The following ZNF483 variants were observed in gnomAD, a reference collection of about 807,000 sequenced individuals.
ZNF483 encodes the protein zinc finger protein HIT-10.
ZNF483 carries 9 observed loss-of-function variants against 28.6 expected under a neutral mutation model. The observed-to-expected ratio is 0.32, with a 90% CI of 0.19 to 0.55. The LOEUF (loss-of-function observed/expected upper bound fraction) is 0.55. Ranked by LOEUF, ZNF483 falls within the 20% of genes least tolerant of loss-of-function variation. The pLI is 0.93. For synonymous variants in ZNF483, 322 were observed against 306.2 expected, an observed-to-expected ratio of 1.05 and a Z score of -0.54; for missense variants, 675 against 871.7, an observed-to-expected ratio of 0.77 and a Z score of 2.84.
chr9:111,533,256 G>T (rs1827394939), intron 3 of ZNF483, among the ~76,000 whole-genome samples: 1 of 152,198 alleles, frequency 6.6e-6, no homozygotes, highest in African/African-American at 2.4e-5. Context: ...TAACACTAGA[G>T]ACTGAATGGA....
At chr9:111,558,571 A>C (rs1265079211), downstream of ZNF483, among the ~76,000 whole-genome samples, 1 of 152,230 alleles carries the variant, frequency 6.6e-6, no homozygotes, top group East Asian at 1.9e-4. Flanking sequence ...CCAGCCCCAG[A>C]ACAAACCATT....
chr9:111,572,514 G>A (rs566965599), intron 5 of ZNF483, among the ~76,000 whole-genome samples: 6 of 152,056 alleles, frequency 3.9e-5, no homozygotes, highest in South Asian at 2.1e-4. Flanking sequence ...CGCTTGAACC[G>A]GGGAGGCAGA....
chr9:111,574,943 G>A (rs74587071), intron 5 of ZNF483: 41,521 of 876,144 alleles, frequency 0.047, 1,502 homozygotes, highest in African/African-American at 0.14. Flanking sequence ...TGTTTTAGCA[G>A]CAACAAAACT....
Position 111,553,124 on chromosome 9 carries a change from G to A in ZNF483, c.*9954G>A, listed in dbSNP as rs1341055833. On this transcript the variant is annotated 3_prime_UTR_variant, in exon 6 of 6. Transcript: ENST00000309235. ...CTTTTTTGACTTACACTCACTAAATGGTTGCTAAAAATTACATGTCTTAAA... is the reference window on the plus strand; with the variant it reads ...CTTTTTTGACTTACACTCACTAAATAGTTGCTAAAAATTACATGTCTTAAA... Among the ~76,000 whole-genome samples the A allele has an allele frequency of 6.6e-6, 1 of 152,072 alleles. No homozygotes were observed. Among genetic ancestry groups the A allele is most frequent in the Non-Finnish European group, 1.5e-5 (1 of 68,008 alleles).
rs1342640226 is a variant in ZNF483, at chr9:111,552,731, C to T, written c.*9561C>T. On this transcript the variant is annotated 3_prime_UTR_variant, in exon 6 of 6. Transcript: ENST00000309235. ...GGGCAGTGTCTTGTATCAAACAGTT[C>T]ATCTAAGGCTAAAGAAAAATACTTG... 6.6e-6 allele frequency among the ~76,000 whole-genome samples: 1 copy of T among 152,094 alleles called. No individual in the cohort carries two copies. Among genetic ancestry groups the T allele is most frequent in the African/African-American group, 2.4e-5 (1 of 41,412 alleles).
In ZNF483 at chr9:111,550,167, G is replaced by A. The variant is rs1407206504; in HGVS notation, c.*6997G>A. 6.6e-6 allele frequency among the ~76,000 whole-genome samples: 1 copy of A among 152,106 alleles called. No homozygotes were observed. Among genetic ancestry groups the A allele is most frequent in the Non-Finnish European group, 1.5e-5 (1 of 68,032 alleles). ...CCTAAAGTTGTCTCAATTCTTTACA[G>A]AGCCTGCGTTTTTCCCTGGGCGGGA... is the stretch of plus-strand genomic sequence containing the variant. On this transcript the variant is annotated 3_prime_UTR_variant, in exon 6 of 6. Transcript: ENST00000309235.
downstream of ZNF483, among the ~76,000 whole-genome samples, chr9:111,555,759 C>T (rs1267360292): frequency 6.6e-6 from 1 of 152,200 alleles, no homozygotes; most frequent in Non-Finnish European, 1.5e-5. Flanking sequence ...AAATCTGCCA[C>T]CATGATCCCA....
chr9:111,538,506 A>AG (rs398011867), intron 5 of ZNF483, among the ~76,000 whole-genome samples: 1 of 151,322 alleles, frequency 6.6e-6, no homozygotes, highest in Non-Finnish European at 1.5e-5. Context: ...AAAAAAAAAA[A>AG]CCACCTGTAA....
Position 111,542,290 on chromosome 9 carries a change from CCTCA to C in ZNF483, c.1361_1364del (p.Leu454ProfsTer52). On this transcript the variant is annotated frameshift_variant, in exon 6 of 6. Coordinates refer to ENST00000309235, the MANE Select transcript of ZNF483 (RefSeq NM_133464.5). LOFTEE classifies it low-confidence loss of function (END_TRUNC). This position sits in a 1 kb window ranked among gnomAD's most constrained non-coding sequence, Gnocchi z 6.2. Reference sequence around the variant, plus strand: ...TGTGGAAAAGCCTTTGGCTATAGCGCCTCACTCACCAAACATCGGAGAATTCACA... The same window carrying C: ...TGTGGAAAAGCCTTTGGCTATAGCGCCTCACCAAACATCGGAGAATTCACA... 1 of 1,614,154 alleles carries C rather than the reference CCTCA, an allele frequency of 6.2e-7. No individual in the cohort carries two copies. Among genetic ancestry groups the C allele is most frequent in the Non-Finnish European group, 8.5e-7 (1 of 1,180,016 alleles).
rs58638722 is a variant in ZNF483, at chr9:111,551,400, G to GTTT, written c.*8253_*8255dup. Among the ~76,000 whole-genome samples, 114 of 74,426 alleles carry GTTT rather than the reference G, an allele frequency of 1.5e-3. 1 individual carries two copies. Among genetic ancestry groups the GTTT allele is most frequent in the Admixed American group, 2.9e-3 (14 of 4,852 alleles). 48.8% of individuals were successfully genotyped at this position (74,426 alleles called of 152,430 possible). A position where few individuals can be genotyped will look rare whatever the true frequency, so the allele number is the denominator to read the frequency against. On this transcript the variant is annotated 3_prime_UTR_variant, in exon 6 of 6. Coordinates refer to ENST00000309235, the MANE Select transcript of ZNF483 (RefSeq NM_133464.5). Reference sequence around the variant, plus strand: ...TAACTGAATCAAGTATCCAGTTTTTGTTTTTTTTTTTTTTTTTTTTTTTTT... The same window carrying GTTT: ...TAACTGAATCAAGTATCCAGTTTTTGTTTTTTTTTTTTTTTTTTTTTTTTTTTT...
At position 111,553,955 on chromosome 9, in the gene ZNF483, C is replaced by T. The variant is rs905231601; in HGVS notation, c.*10785C>T. 6.6e-6 allele frequency among the ~76,000 whole-genome samples: 1 copy of T among 152,158 alleles called. No homozygotes were observed. Among genetic ancestry groups the T allele is most frequent in the Non-Finnish European group, 1.5e-5 (1 of 68,032 alleles). ...TTTTGTAGTCATGCTGTGTGGAGCA[C>T]ATAACTTCCAACGTCCCAGAGGCAG... On this transcript the variant is annotated 3_prime_UTR_variant, in exon 6 of 6. Coordinates refer to ENST00000309235, the MANE Select transcript of ZNF483 (RefSeq NM_133464.5).
chr9:111,531,253 A>G (rs749658404), intron 3 of ZNF483, among the ~76,000 whole-genome samples: 1 of 152,194 alleles, frequency 6.6e-6, no homozygotes, highest in African/African-American at 2.4e-5. Context: ...CTCATTTTCC[A>G]CATGCAATTT....
chr9:111,568,049 T>C (rs570208894), intron 5 of ZNF483, among the ~76,000 whole-genome samples: 1 of 152,254 alleles, frequency 6.6e-6, no homozygotes, highest in East Asian at 1.9e-4. Context: ...AAACATGTAT[T>C]TGAACAATAT....
In ZNF483 at chr9:111,551,383, T is replaced by A. The variant is rs1827938146; in HGVS notation, c.*8213T>A. Among the ~76,000 whole-genome samples, 2 of 147,212 alleles carry A rather than the reference T, an allele frequency of 1.4e-5. No individual in the cohort carries two copies. Among genetic ancestry groups the A allele is most frequent in the Non-Finnish European group, 3.0e-5 (2 of 66,772 alleles). ...TATACTTAATTTTCCAATAACTGAATCAAGTATCCAGTTTTTGTTTTTTTT... is the reference window on the plus strand; with the variant it reads ...TATACTTAATTTTCCAATAACTGAAACAAGTATCCAGTTTTTGTTTTTTTT... On this transcript the variant is annotated 3_prime_UTR_variant, in exon 6 of 6. Transcript: ENST00000309235.
chr9:111,535,967 A>G (rs146047834), intron 5 of ZNF483, among the ~76,000 whole-genome samples: 1 of 147,566 alleles, frequency 6.8e-6, no homozygotes, highest in Non-Finnish European at 1.5e-5. Context: ...GCTCACTGCA[A>G]CCTCTGCCTC....
chr9:111,535,156 C>G (rs1158571918), intron 5 of ZNF483, among the ~76,000 whole-genome samples: 1 of 152,176 alleles, frequency 6.6e-6, no homozygotes, highest in African/African-American at 2.4e-5. Context: ...CTGGGAGCAA[C>G]TCGTGGGAAT....
Position 111,542,288 on chromosome 9 carries a change from C to T in ZNF483, c.1353C>T (p.Ser451=), listed in dbSNP as rs139265027. 134 of 1,614,052 alleles carry T rather than the reference C, an allele frequency of 8.3e-5. 1 individual carries two copies. Among genetic ancestry groups the T allele is most frequent in the South Asian group, 8.1e-4 (74 of 91,078 alleles). Residue 451 remains serine, a synonymous_variant, in exon 6 of 6, where the codon AGC becomes AGT. Coordinates refer to ENST00000309235, the MANE Select transcript of ZNF483 (RefSeq NM_133464.5). This position sits in a 1 kb window ranked among gnomAD's most constrained non-coding sequence, Gnocchi z 6.2. ...CSKCGKAFGY[S]ASLTKHRRIH... Reference sequence around the variant, plus strand: ...AGTGTGGAAAAGCCTTTGGCTATAGCGCCTCACTCACCAAACATCGGAGAA... The same window carrying T: ...AGTGTGGAAAAGCCTTTGGCTATAGTGCCTCACTCACCAAACATCGGAGAA...
chr9:111,533,643 C>G, intron 3 of ZNF483, 96 bp from the exon 4 acceptor site: 5 of 1,286,314 alleles, frequency 3.9e-6, no homozygotes, highest in Non-Finnish European at 5.2e-6. Context: ...CACTCTAACA[C>G]GGGCGACAGA....
At chr9:111,558,746 T>C (rs566448088), downstream of ZNF483, among the ~76,000 whole-genome samples, 1 of 152,358 alleles carries the variant, frequency 6.6e-6, no homozygotes, top group South Asian at 2.1e-4. Flanking sequence ...ACATATGATA[T>C]ATACACACAT....
Sources: gnomAD v4.1 joint callset for allele counts (sites outside exome capture counted in the v4.1 genomes callset) on GRCh38, gnomAD v4.1.1 for gene constraint, Gnocchi (gnomAD v3.1) non-coding constraint, MANE v1.5 for transcripts, NCBI Gene and HGNC (gene_info 2026-07-23, HGNC 2026-07-21) for gene names.